Variants in LMO3 observed in about 807,000 individuals in gnomAD.
The protein encoded by LMO3 is LIM domain only 3.
In LMO3, 2 loss-of-function variants were observed where a neutral mutation model predicts 15.8. The ratio of observed to expected loss-of-function variants is 0.13; its 90% confidence interval spans 0.05 to 0.40. The LOEUF (loss-of-function observed/expected upper bound fraction) is 0.40. LMO3 is among the 10% of genes least tolerant of loss of function. The pLI is 0.99. For missense variants in LMO3, 86 were observed against 182.2 expected (o/e 0.47, Z 3.04); for synonymous variants, 62 against 63.8 (o/e 0.97, Z 0.13).
In LMO3 at chr12:16,549,181, A is replaced by C. The variant is rs1367267788; in HGVS notation, c.*2041T>G. On this transcript the variant is annotated 3_prime_UTR_variant, in exon 4 of 4. Coordinates refer to ENST00000537304, the MANE Select transcript of LMO3 (RefSeq NM_018640.5). ...CACTTTTCACTGATCTCTCCCCCACATATTTTTAATTTGTCTTGCTTTGTT... is the reference window on the plus strand; with the variant it reads ...CACTTTTCACTGATCTCTCCCCCACCTATTTTTAATTTGTCTTGCTTTGTT... 6.6e-6 allele frequency: 1 copy of C among 152,072 alleles called. No homozygotes were observed. Among genetic ancestry groups the C allele is most frequent in the Non-Finnish European group, 1.5e-5 (1 of 67,992 alleles). 9.4% of individuals were successfully genotyped at this position (152,072 alleles called of 1,614,324 possible).
chr12:16,568,893 TC>T (rs1942711899), intron 2 of LMO3, among the ~76,000 whole-genome samples: 1 of 152,116 alleles, frequency 6.6e-6, no homozygotes, highest in African/African-American at 2.4e-5. Context: ...CCTAGAAATC[TC>T]TCTTATAATG....
rs1439846694 is a variant in LMO3 at position 16,596,400 on chromosome 12, T to C, written c.206+4255A>G. 6.6e-6 allele frequency among the ~76,000 whole-genome samples: 1 copy of C among 151,544 alleles called. No homozygotes were observed. The highest frequency in any genetic ancestry group is 2.4e-5 in the African/African-American group (1 of 41,374). ...TATATAGGAAAAGCTATAAGCAGCT[T>C]CCATGGCACATACCACAGCAAACAG... On this transcript the variant is annotated intron_variant, in intron 2 of 3. Coordinates refer to ENST00000537304, the MANE Select transcript of LMO3 (RefSeq NM_018640.5). The surrounding 1 kb of genome is among the most constrained non-coding windows in gnomAD (Gnocchi z 4.3).
rs1051650164 is a variant in LMO3, at chr12:16,605,141, G to C, written c.-9+925C>G. The stretch of plus-strand genomic sequence containing the variant: ...AGCCCCTCGCAGTGTGCAAAATGAT[G>C]GCGAATGACAAAGCCACATGCTTCC... On this transcript the variant is annotated intron_variant, in intron 1 of 3. Coordinates refer to ENST00000537304, the MANE Select transcript of LMO3 (RefSeq NM_018640.5). The C allele has an allele frequency of 2.1e-6, 3 of 1,399,912 alleles. No individual in the cohort carries two copies. The African/African-American group carries it at 4.3e-5, about 20-fold the overall frequency. 86.7% of individuals were successfully genotyped at this position (1,399,912 alleles called of 1,614,324 possible).
At chr12:16,573,082 C>CT (rs919576151) in intron 2 of LMO3, among the ~76,000 whole-genome samples, 77 of 148,934 alleles carry the variant, frequency 5.2e-4, no homozygotes, top group Middle Eastern at 6.9e-3. Flanking sequence ...GAAAAAATAC[C>CT]TTTTTTTTTT....
In LMO3 at chr12:16,560,825, T is replaced by C. The variant is rs369668332; in HGVS notation, c.207-287A>G. The C allele has an allele frequency of 4.6e-5, 20 of 433,678 alleles. No individual in the cohort carries two copies. In the East Asian group the frequency reaches 1.0e-3, roughly 22 times the overall value. 26.9% of individuals were successfully genotyped at this position (433,678 alleles called of 1,614,324 possible). On this transcript the variant is annotated intron_variant, in intron 2 of 3. Coordinates refer to ENST00000537304, the MANE Select transcript of LMO3 (RefSeq NM_018640.5). This position sits in a 1 kb window ranked among gnomAD's most constrained non-coding sequence, Gnocchi z 5.0. The stretch of plus-strand genomic sequence containing the variant: ...ACAGAAGTCAATGGGGGTGAATTCA[T>C]AGCAAAAATCTCTGGGTTAGAGTAT...
At position 16,568,960 on chromosome 12, in the gene LMO3, A is replaced by G. The variant is rs73322831; in HGVS notation, c.207-8422T>C. Among the ~76,000 whole-genome samples the G allele has an allele frequency of 2.9e-3, 441 of 152,310 alleles. 3 individuals carry two copies. The highest frequency in any genetic ancestry group is 0.01 in the Middle Eastern group (3 of 294). On this transcript the variant is annotated intron_variant, in intron 2 of 3. Coordinates refer to ENST00000537304, the MANE Select transcript of LMO3 (RefSeq NM_018640.5). ...GCCAGAGACATTTTTTTCTAACTTG[A>G]AACTTAAAAATATGTATGCTAATAG...
chr12:16,563,884 A>ATAGAT (rs1725999087), intron 2 of LMO3, among the ~76,000 whole-genome samples: 1 of 152,232 alleles, frequency 6.6e-6, no homozygotes, highest in South Asian at 2.1e-4. Context: ...AAGATGTCTT[A>ATAGAT]TAGATTATTA....
intron 2 of LMO3, among the ~76,000 whole-genome samples, chr12:16,565,983 CATATATATATATATATATAT>C (rs61358392): frequency 0.02 from 883 of 43,836 alleles, 27 homozygotes; most frequent in African/African-American, 0.032. Flanking sequence ...GAAAATGTGC[CATATATATATATATATATAT>C]ATATATATAT....
At chr12:16,551,893 C>T (rs561892977) in intron 3 of LMO3, among the ~76,000 whole-genome samples, 1 of 151,892 alleles carries the variant, frequency 6.6e-6, no homozygotes, top group African/African-American at 2.4e-5. Flanking sequence ...GTTGCTCTAG[C>T]ATCAGATTCT....
intron 3 of LMO3, among the ~76,000 whole-genome samples, chr12:16,553,484 A>G (rs1942071241): frequency 6.6e-6 from 1 of 152,306 alleles, no homozygotes; most frequent in East Asian, 1.9e-4. Flanking sequence ...AGAGCGAGAG[A>G]GAGACAGAAC....
At chr12:16,602,407 T>G (rs556731326) in intron 1 of LMO3, 2 of 152,356 alleles carry the variant, frequency 1.3e-5, no homozygotes, top group South Asian at 2.1e-4. Context: ...AAATAATACA[T>G]GAGTTGCACA....
intron 1 of LMO3, among the ~76,000 whole-genome samples, chr12:16,601,649 G>GA (rs1591833669): frequency 2.0e-5 from 3 of 151,598 alleles, no homozygotes; most frequent in Non-Finnish European, 4.4e-5. Flanking sequence ...ATAAAGGAAA[G>GA]AAAAAACAAT....
In LMO3 at chr12:16,550,438, T is replaced by TAAAG. The variant is rs1464481899; in HGVS notation, c.*780_*783dup. Reference sequence around the variant, plus strand: ...AAGCAAAACAAAGCCATTGTGTAAGTAAAGAGCACACAAAAAAAGGATATT... The same window carrying TAAAG: ...AAGCAAAACAAAGCCATTGTGTAAGTAAAGAAAGAGCACACAAAAAAAGGATATT... On this transcript the variant is annotated 3_prime_UTR_variant, in exon 4 of 4. Coordinates refer to ENST00000537304, the MANE Select transcript of LMO3 (RefSeq NM_018640.5). 6.6e-6 allele frequency: 1 copy of TAAAG among 152,434 alleles called. No individual in the cohort carries two copies. Among genetic ancestry groups the TAAAG allele is most frequent in the Non-Finnish European group, 1.5e-5 (1 of 67,894 alleles). 9.4% of individuals were successfully genotyped at this position (152,434 alleles called of 1,614,324 possible).
At chr12:16,602,992 G>GAA (rs35078906) in intron 1 of LMO3, among the ~76,000 whole-genome samples, 117 of 143,542 alleles carry the variant, frequency 8.2e-4, no homozygotes, top group East Asian at 4.9e-3. Flanking sequence ...ATGAAAAATC[G>GAA]AAAAAAAAAA....
chr12:16,602,246 T>G (rs1334181836), intron 1 of LMO3: 1 of 152,170 alleles, frequency 6.6e-6, no homozygotes, highest in Non-Finnish European at 1.5e-5. Context: ...ACATTTTCCT[T>G]CTCCAAAACA....
chr12:16,572,134 A>G (rs1042433887), intron 2 of LMO3, among the ~76,000 whole-genome samples: 4 of 151,946 alleles, frequency 2.6e-5, no homozygotes, highest in African/African-American at 9.7e-5. Context: ...CATTAGTATT[A>G]ATTTGTTAAA....
intron 2 of LMO3, among the ~76,000 whole-genome samples, chr12:16,563,132 T>G (rs1234855480): frequency 6.6e-6 from 1 of 152,206 alleles, no homozygotes; most frequent in Non-Finnish European, 1.5e-5. Flanking sequence ...TTATTGCCCC[T>G]TTTCCTAAGA....
At chr12:16,601,563 A>ATACTATATGCTTT (rs1164118493) in intron 1 of LMO3, among the ~76,000 whole-genome samples, 1 of 152,330 alleles carries the variant, frequency 6.6e-6, no homozygotes, top group African/African-American at 2.4e-5. Context: ...ACTTAACTAT[A>ATACTATATGCTTT]TACTATATGC....
chr12:16,570,659 C>A (rs1375464994), intron 2 of LMO3, among the ~76,000 whole-genome samples: 2 of 152,088 alleles, frequency 1.3e-5, no homozygotes, highest in African/African-American at 4.8e-5. Flanking sequence ...TAGCAAAGCT[C>A]CACTGTGAAA....
Sources: allele counts gnomAD v4.1 joint callset (sites outside exome capture counted in the v4.1 genomes callset), GRCh38; gene constraint gnomAD v4.1.1; non-coding constraint Gnocchi (gnomAD v3.1); transcripts MANE v1.5; gene names NCBI Gene and HGNC (gene_info 2026-07-23, HGNC 2026-07-21).